Variants in CRIM1 observed in about 807,000 individuals in gnomAD.
The protein encoded by CRIM1 is cysteine-rich motor neuron 1 protein.
A neutral mutation model predicts 116.4 loss-of-function variants in CRIM1; 32 were observed. The observed-to-expected ratio is 0.27, with a 90% CI of 0.21 to 0.37. The LOEUF (loss-of-function observed/expected upper bound fraction) is 0.37, where lower values mean the gene tolerates loss of function less well. Ranked by LOEUF, CRIM1 falls within the 10% of genes least tolerant of loss-of-function variation. The pLI, the probability that CRIM1 is intolerant of heterozygous loss-of-function variation, is 1.00. For synonymous variants in CRIM1, 590 were observed against 509.2 expected (o/e 1.16, Z -2.13); for missense variants, 1,331 against 1,354.8 (o/e 0.98, Z 0.28).
In CRIM1 at chr2:36,402,444, G is replaced by A. The variant is rs113409484; in HGVS notation, c.505+5657G>A. 7.7e-3 allele frequency among the ~76,000 whole-genome samples: 1,166 copies of A among 151,826 alleles called. 5 individuals are homozygous for A. The highest frequency in any genetic ancestry group is 0.012 in the Non-Finnish European group (789 of 67,946). On this transcript the variant is annotated intron_variant, in intron 2 of 16. Coordinates refer to ENST00000280527, the MANE Select transcript of CRIM1 (RefSeq NM_016441.3). ...AAGAAGAAACAGCGTGACCAGAATG[G>A]GGGGGAGGGAGGGGTAAGGGCCAGA...
Position 36,479,419 on chromosome 2 carries a change from A to T in CRIM1, c.1175-78A>T. On this transcript the variant is annotated intron_variant, in intron 6 of 16. Coordinates refer to ENST00000280527, the MANE Select transcript of CRIM1 (RefSeq NM_016441.3). ...AACTGCTGATGACTAGAACCCAGGG[A>T]AAAAATGTCTCTGGGTACTGACAGA... is the stretch of plus-strand genomic sequence containing the variant. The T allele has an allele frequency of 2.1e-6, 3 of 1,438,250 alleles. No homozygotes were observed. The Admixed American group carries it at 5.2e-5, about 25-fold the overall frequency. 89.1% of individuals were successfully genotyped at this position (1,438,250 alleles called of 1,614,324 possible).
chr2:36,512,408 C>T lies in CRIM1; in HGVS notation c.1780+14C>T, dbSNP rs1403877273. ...GCAAGTGCAGAGGTAAGTGTGTACA[C>T]ATGGCCCTTCCCCCTCAAAGCAGCC... On this transcript the variant is annotated intron_variant, in intron 10 of 16. Transcript: ENST00000280527. 3.1e-6 allele frequency: 5 copies of T among 1,598,718 alleles called. No homozygotes were observed. The highest frequency in any genetic ancestry group is 4.3e-6 in the Non-Finnish European group (5 of 1,167,722).
intron 2 of CRIM1, among the ~76,000 whole-genome samples, chr2:36,411,786 A>C (rs1673229219): frequency 1.3e-5 from 2 of 152,140 alleles, no homozygotes; most frequent in African/African-American, 2.4e-5. Flanking sequence ...AATGGTGCAC[A>C]TTAGTTATAG....
chr2:36,397,899 G>A (rs1672139974), intron 2 of CRIM1, among the ~76,000 whole-genome samples: 1 of 152,124 alleles, frequency 6.6e-6, no homozygotes, highest in Non-Finnish European at 1.5e-5. Flanking sequence ...CTTGAACACT[G>A]GGAAACTGAG....
At chr2:36,461,276 G>C (rs1339393841) in intron 4 of CRIM1, among the ~76,000 whole-genome samples, 1 of 152,174 alleles carries the variant, frequency 6.6e-6, no homozygotes, top group Non-Finnish European at 1.5e-5. Context: ...GCTCACTGCA[G>C]CTTTTCTCAT....
chr2:36,424,461 G>A (rs1361119155), intron 2 of CRIM1, among the ~76,000 whole-genome samples: 1 of 152,146 alleles, frequency 6.6e-6, no homozygotes, highest in Non-Finnish European at 1.5e-5. Flanking sequence ...GAATGTTGGG[G>A]AAGAGCATTG....
intron 13 of CRIM1, among the ~76,000 whole-genome samples, chr2:36,523,088 G>A (rs1304627390): frequency 1.3e-5 from 2 of 151,818 alleles, no homozygotes; most frequent in Non-Finnish European, 2.9e-5. Context: ...CCTAGTAGCT[G>A]GAATTACAGG....
At chr2:36,415,175 C>A (rs1673516022) in intron 2 of CRIM1, among the ~76,000 whole-genome samples, 1 of 151,952 alleles carries the variant, frequency 6.6e-6, no homozygotes, top group African/African-American at 2.4e-5. Flanking sequence ...TCAGAGTGAC[C>A]CCAGGGTTCT....
chr2:36,456,860 G>A (rs1677177340), intron 4 of CRIM1, among the ~76,000 whole-genome samples: 1 of 151,768 alleles, frequency 6.6e-6, no homozygotes, highest in African/African-American at 2.4e-5. Context: ...TCACGTCAAG[G>A]TAGTAATTTG....
intron 2 of CRIM1, among the ~76,000 whole-genome samples, chr2:36,435,304 T>C (rs1404573011): frequency 1.3e-5 from 2 of 151,546 alleles, no homozygotes; most frequent in Non-Finnish European, 2.9e-5. Flanking sequence ...CGCCCAAGGA[T>C]TGTCTCAGGA....
At position 36,522,244 on chromosome 2, in the gene CRIM1, G is replaced by T; in HGVS notation, c.2359G>T (p.Glu787Ter). Residue 787 changes from glutamate (E) to a stop codon, truncating the protein, a stop_gained, in exon 13 of 17, where the codon GAG (glutamate) becomes TAG (stop). Transcript: ENST00000280527. LOFTEE classifies it high-confidence loss of function. ...CIDSVISCFS[E>*]SCPSVSCERP... ...TGATAGCGTAATTAGCTGTTTCTCT[G>T]AGTCCTGCCCTTCTGTATCCTGTGA... 1 of 1,614,150 alleles carries T rather than the reference G, an allele frequency of 6.2e-7. No homozygotes were observed. The highest frequency in any genetic ancestry group is 8.5e-7 in the Non-Finnish European group (1 of 1,180,018).
At chr2:36,378,714 C>G in intron 1 of CRIM1, 8 of 153,844 alleles carry the variant, frequency 5.2e-5, no homozygotes, top group Non-Finnish European at 1.2e-4. Context: ...TGACCTCAGT[C>G]ATTTTCAAAG....
At chr2:36,534,695 G>T (rs1418339512) in intron 13 of CRIM1, among the ~76,000 whole-genome samples, 1 of 148,330 alleles carries the variant, frequency 6.7e-6, no homozygotes, top group Non-Finnish European at 1.5e-5. Flanking sequence ...AAGACAGGAA[G>T]AAGGAAAAGG....
At chr2:36,534,639 AAGGGAAAGG>A (rs1465668014) in intron 13 of CRIM1, among the ~76,000 whole-genome samples, 6 of 148,330 alleles carry the variant, frequency 4.0e-5, no homozygotes, top group Non-Finnish European at 9.0e-5. Context: ...TACAGACAGG[AAGGGAAAGG>A]AAGGGAAGGA....
intron 1 of CRIM1, among the ~76,000 whole-genome samples, chr2:36,372,372 G>A (rs41516848): frequency 6.6e-6 from 1 of 152,108 alleles, no homozygotes; most frequent in African/African-American, 2.4e-5. Flanking sequence ...ATTCAGTGTG[G>A]AATTGTTTTT....
intron 2 of CRIM1, among the ~76,000 whole-genome samples, chr2:36,404,441 C>T (rs1318242939): frequency 1.3e-5 from 2 of 152,168 alleles, no homozygotes; most frequent in African/African-American, 4.8e-5. Flanking sequence ...TAGACTCTTT[C>T]AGTCCAGAAG....
At chr2:36,477,496 G>T (rs952931686) in intron 6 of CRIM1, among the ~76,000 whole-genome samples, 4 of 152,208 alleles carry the variant, frequency 2.6e-5, no homozygotes, top group Non-Finnish European at 5.9e-5. Context: ...GCCCAGAGAG[G>T]AACTAACTCT....
In CRIM1 at chr2:36,550,025, GTGTGTGAGAGTATGTA is replaced by G. The variant is rs760117364; in HGVS notation, c.*1331_*1346del. On this transcript the variant is annotated 3_prime_UTR_variant, in exon 17 of 17. Transcript: ENST00000280527. ...ACCTGCAGTTTAATTGGAAAGATGT[GTGTGTGAGAGTATGTA>G]TGTGTGTGTGTGTGTGTGTGTGTGT... 16 of 150,476 alleles carry G rather than the reference GTGTGTGAGAGTATGTA, an allele frequency of 1.1e-4. No individual in the cohort carries two copies. Among genetic ancestry groups the G allele is most frequent in the Non-Finnish European group, 1.6e-4 (11 of 67,788 alleles). 9.3% of individuals were successfully genotyped at this position (150,476 alleles called of 1,614,324 possible). A position where few individuals can be genotyped will look rare whatever the true frequency, so the allele number is the denominator to read the frequency against.
chr2:36,402,448 G>A lies in CRIM1; in HGVS notation c.505+5661G>A, dbSNP rs140236512. Among the ~76,000 whole-genome samples the A allele has an allele frequency of 3.3e-3, 506 of 151,620 alleles. 3 individuals are homozygous for A. The highest frequency in any genetic ancestry group is 0.012 in the African/African-American group (488 of 41,282). ...AGAAACAGCGTGACCAGAATGGGGG[G>A]GAGGGAGGGGTAAGGGCCAGACCAC... On this transcript the variant is annotated intron_variant, in intron 2 of 16. Coordinates refer to ENST00000280527, the MANE Select transcript of CRIM1 (RefSeq NM_016441.3).
Sources: allele counts gnomAD v4.1 joint callset (sites outside exome capture counted in the v4.1 genomes callset), GRCh38; gene constraint gnomAD v4.1.1; transcripts MANE v1.5; gene names NCBI Gene and HGNC (gene_info 2026-07-23, HGNC 2026-07-21).